Variants in MFSD11 observed in about 807,000 individuals in gnomAD.
MFSD11 encodes the protein UNC93-like protein MFSD11.
MFSD11 carries 36 observed loss-of-function variants against 53.5 expected under a neutral mutation model. That is an observed-to-expected ratio of 0.67 (90% CI 0.52 to 0.89). The LOEUF is 0.89. Among genes scored for constraint, MFSD11 ranks in the 40% least tolerant of loss-of-function variants. MFSD11 has a pLI of 0.00. For synonymous variants in MFSD11, 186 were observed against 184.9 expected, an observed-to-expected ratio of 1.01 and a Z score of -0.05; for missense variants, 530 against 543.9, an observed-to-expected ratio of 0.97 and a Z score of 0.25.
chr17:76,736,640 G>A (rs1193905095), upstream of MFSD11: 5 of 1,166,380 alleles, frequency 4.3e-6, no homozygotes, highest in South Asian at 4.5e-5. Flanking sequence ...GGTCGCAGAC[G>A]GCGGAAGCTC....
At chr17:76,786,144 A>ATT (rs1158677966), downstream of MFSD11, among the ~76,000 whole-genome samples, 33 of 130,882 alleles carry the variant, frequency 2.5e-4, no homozygotes, top group South Asian at 2.1e-3. Flanking sequence ...AGCTCTTCTA[A>ATT]TTTTTTTTTT....
chr17:76,760,161 G>A (rs947511192), intron 8 of MFSD11, among the ~76,000 whole-genome samples: 2 of 151,466 alleles, frequency 1.3e-5, no homozygotes, highest in African/African-American at 4.9e-5. Context: ...CCAGCTCCTC[G>A]GGAGGCTGAG....
intron 3 of MFSD11, 125 bp from the exon 4 acceptor site, chr17:76,741,844 T>C (rs2078112777): frequency 1.2e-5 from 17 of 1,463,976 alleles, no homozygotes; most frequent in Non-Finnish European, 1.6e-5. Flanking sequence ...TTTTCAAAAC[T>C]GGAGCGATCC....
At chr17:76,795,472 G>C in the MFSD11 span, among the ~76,000 whole-genome samples, 1 of 151,776 alleles carries the variant, frequency 6.6e-6, no homozygotes, top group South Asian at 2.1e-4. Context: ...CTGGGTGACA[G>C]AACGAGACTC....
At chr17:76,802,142 G>A in the MFSD11 span, among the ~76,000 whole-genome samples, 1 of 151,920 alleles carries the variant, frequency 6.6e-6, no homozygotes, top group Non-Finnish European at 1.5e-5. Flanking sequence ...GTGGTAGTGG[G>A]CACCTGTAAT....
intron 7 of MFSD11, 91 bp from the exon 8 acceptor site, chr17:76,753,956 G>A: frequency 8.9e-7 from 1 of 1,121,010 alleles, no homozygotes. Flanking sequence ...ATAGGACAGG[G>A]TTTTTACGAA....
intron 8 of MFSD11, among the ~76,000 whole-genome samples, chr17:76,756,371 G>A (rs988259738): frequency 2.0e-5 from 3 of 151,960 alleles, no homozygotes; most frequent in East Asian, 1.9e-4. Context: ...TGATCCACCC[G>A]CCTCGGCCTC....
At position 76,773,728 on chromosome 17, in the gene MFSD11, C is replaced by T. The variant is rs1368616644; in HGVS notation, c.875-1269C>T. Among the ~76,000 whole-genome samples the T allele has an allele frequency of 3.3e-5, 5 of 152,060 alleles. No homozygotes were observed. The East Asian group carries it at 7.7e-4, about 23-fold the overall frequency. On this transcript the variant is annotated intron_variant, in intron 10 of 12. Coordinates refer to ENST00000685175, the MANE Select transcript of MFSD11 (RefSeq NM_001242532.5). ...GTTCAAGCGATTCTCCTGCTTCAGCCTCCTGAGTAGCTGGGACTACAGGCG... is the reference window on the plus strand; with the variant it reads ...GTTCAAGCGATTCTCCTGCTTCAGCTTCCTGAGTAGCTGGGACTACAGGCG...
chr17:76,752,940 A>C (rs1225593052), intron 7 of MFSD11: 1 of 152,164 alleles, frequency 6.6e-6, no homozygotes, highest in Non-Finnish European at 1.5e-5. Context: ...CAAATACTAA[A>C]ATTGGAACAA....
At chr17:76,798,861 C>G in the MFSD11 span, among the ~76,000 whole-genome samples, 1 of 151,540 alleles carries the variant, frequency 6.6e-6, no homozygotes, top group Non-Finnish European at 1.5e-5. Context: ...AGCCCCGTCT[C>G]TACGAAAAAT....
chr17:76,753,250 C>T (rs2079223999), intron 7 of MFSD11, among the ~76,000 whole-genome samples: 2 of 149,848 alleles, frequency 1.3e-5, no homozygotes, highest in African/African-American at 2.6e-5. Flanking sequence ...CATGATACCA[C>T]ATCCAAAGTA....
At chr17:76,797,060 T>C in the MFSD11 span, among the ~76,000 whole-genome samples, 1 of 152,046 alleles carries the variant, frequency 6.6e-6, no homozygotes, top group Middle Eastern at 3.4e-3. Flanking sequence ...TCCCAACTAC[T>C]TGGGAGGCTG....
chr17:76,749,674 G>A (rs2078876507), intron 7 of MFSD11, among the ~76,000 whole-genome samples: 1 of 152,044 alleles, frequency 6.6e-6, no homozygotes, highest in Non-Finnish European at 1.5e-5. Flanking sequence ...GGCGGATCAC[G>A]AGGTCAGGAG....
At chr17:76,782,464 C>T (rs1339515839), downstream of MFSD11, among the ~76,000 whole-genome samples, 25 of 140,804 alleles carry the variant, frequency 1.8e-4, no homozygotes, top group Non-Finnish European at 3.6e-4. Context: ...CGTGAGCCAC[C>T]GCGCCCAGGC....
the MFSD11 span, among the ~76,000 whole-genome samples, chr17:76,803,111 G>A: frequency 2.0e-5 from 3 of 152,138 alleles, no homozygotes; most frequent in African/African-American, 7.2e-5. Flanking sequence ...AGGTGAGATC[G>A]TGCCACTGCA....
the MFSD11 span, among the ~76,000 whole-genome samples, chr17:76,788,679 A>G: frequency 0.095 from 14,033 of 148,266 alleles, 2,538 homozygotes; most frequent in African/African-American, 0.33. Context: ...GCAAAACCCC[A>G]TCTCTACTAA....
At position 76,758,684 on chromosome 17, in the gene MFSD11, T is replaced by C. The variant is rs2079896542; in HGVS notation, c.682+4597T>C. Among the ~76,000 whole-genome samples, 6 of 151,116 alleles carry C rather than the reference T, an allele frequency of 4.0e-5. No homozygotes were observed. In the South Asian group the frequency reaches 1.0e-3, roughly 26 times the overall value. Reference sequence around the variant, plus strand: ...CGGCAAGGAAAATCTGGGGAAAATATTTGCAATATGTGATAAAGAGCTGTT... The same window carrying C: ...CGGCAAGGAAAATCTGGGGAAAATACTTGCAATATGTGATAAAGAGCTGTT... On this transcript the variant is annotated intron_variant, in intron 8 of 12. Transcript: ENST00000685175.
At chr17:76,795,103 G>T in the MFSD11 span, among the ~76,000 whole-genome samples, 20 of 152,178 alleles carry the variant, frequency 1.3e-4, no homozygotes, top group African/African-American at 4.8e-4. Flanking sequence ...TACTGAACAT[G>T]TGCAGACTTT....
chr17:76,757,311 G>A (rs2079751774), intron 8 of MFSD11, among the ~76,000 whole-genome samples: 1 of 152,218 alleles, frequency 6.6e-6, no homozygotes, highest in Non-Finnish European at 1.5e-5. Flanking sequence ...ATATTGGGCT[G>A]TCAGGTTTGA....
Sources: allele counts gnomAD v4.1 joint callset (sites outside exome capture counted in the v4.1 genomes callset), GRCh38; gene constraint gnomAD v4.1.1; transcripts MANE v1.5; gene names NCBI Gene and HGNC (gene_info 2026-07-23, HGNC 2026-07-21).